VSX2: variants seen among roughly 807,000 people sequenced by gnomAD.
VSX2 encodes the protein ceh-10 homeo domain containing homolog.
Under a neutral mutation model 32.1 loss-of-function variants are expected in VSX2, and 28 were observed. That is an observed-to-expected ratio of 0.87 (90% CI 0.65 to 1.20). The LOEUF is 1.20. VSX2 is among the 50% of genes most tolerant of loss of function. VSX2 has a pLI of 0.00. For synonymous variants in VSX2, 243 were observed against 214.1 expected, an observed-to-expected ratio of 1.14 and a Z score of -1.18; for missense variants, 506 against 488.7, an observed-to-expected ratio of 1.04 and a Z score of -0.33.
chr14:74,252,937 T>C (rs2079239503), intron 3 of VSX2, among the ~76,000 whole-genome samples: 1 of 150,096 alleles, frequency 6.7e-6, no homozygotes, highest in Non-Finnish European at 1.5e-5. Context: ...TAATCCCAGC[T>C]ACTCAGGAGG....
At chr14:74,244,400 C>T (rs958710839) in intron 2 of VSX2, among the ~76,000 whole-genome samples, 15 of 151,148 alleles carry the variant, frequency 9.9e-5, no homozygotes, top group Admixed American at 5.3e-4. Context: ...GGAAAAGGCT[C>T]GGGGCAGTGC....
chr14:74,243,926 C>A (rs2079167730), intron 2 of VSX2, among the ~76,000 whole-genome samples: 1 of 152,250 alleles, frequency 6.6e-6, no homozygotes, highest in Non-Finnish European at 1.5e-5. Flanking sequence ...AGAGTCTGAT[C>A]CCAGGGGACC....
At chr14:74,251,720 G>C (rs910900955) in intron 3 of VSX2, among the ~76,000 whole-genome samples, 1 of 152,144 alleles carries the variant, frequency 6.6e-6, no homozygotes, top group African/African-American at 2.4e-5. Flanking sequence ...GCCCCCTAGT[G>C]GGTAACAGAG....
chr14:74,251,038 G>T (rs1317659116), intron 3 of VSX2, among the ~76,000 whole-genome samples: 20 of 151,752 alleles, frequency 1.3e-4, no homozygotes, highest in Non-Finnish European at 1.5e-5. Context: ...TCTTCGGCAG[G>T]TCACAGTGGC....
In VSX2 at chr14:74,245,240, C is replaced by A. The variant is rs746590938; in HGVS notation, c.531C>A (p.Ala177=). ...FNEAHYPDVY[A]REMLAMKTEL... is the part of the protein sequence containing the mutation. ...AAGCCCACTACCCAGACGTCTATGC[C>A]CGGGAGATGCTGGCCATGAAAACGG... Residue 177 remains alanine (A), a synonymous_variant, in exon 3 of 5, where the codon GCC becomes GCA. Transcript: ENST00000261980. 3.1e-6 allele frequency: 5 copies of A among 1,613,588 alleles called. No homozygotes were observed. Among genetic ancestry groups the A allele is most frequent in the Non-Finnish European group, 4.2e-6 (5 of 1,179,932 alleles).
At chr14:74,245,394 G>A in intron 3 of VSX2, 106 bp downstream of exon 3, 5 of 1,465,784 alleles carry the variant, frequency 3.4e-6, no homozygotes, top group East Asian at 2.3e-5. Flanking sequence ...CCCACTGTGG[G>A]CATGTGCTTG....
Position 74,260,694 on chromosome 14 carries a change from GC to G in VSX2, c.862del (p.Arg288GlyfsTer14). ...PKLDKMEQDE[R>X]GPDAQAAISQ... ...AGCTCGACAAGATGGAGCAGGACGAGCGGGGCCCCGACGCTCAGGCGGCCAT... is the reference window on the plus strand; with the variant it reads ...AGCTCGACAAGATGGAGCAGGACGAGGGGGCCCCGACGCTCAGGCGGCCAT... On this transcript the variant is annotated frameshift_variant, in exon 5 of 5. Coordinates refer to ENST00000261980, the MANE Select transcript of VSX2 (RefSeq NM_182894.3). LOFTEE classifies it high-confidence loss of function. 1.3e-6 allele frequency: 2 copies of G among 1,595,700 alleles called. No individual in the cohort carries two copies. Among genetic ancestry groups the G allele is most frequent in the Non-Finnish European group, 1.7e-6 (2 of 1,171,774 alleles).
At chr14:74,243,015 G>A (rs2079161210) in intron 2 of VSX2, among the ~76,000 whole-genome samples, 1 of 152,196 alleles carries the variant, frequency 6.6e-6, no homozygotes, top group Non-Finnish European at 1.5e-5. Context: ...GGTATTAACT[G>A]CCTGGGGTTT....
intron 1 of VSX2, 76 bp downstream of exon 1, chr14:74,240,007 G>T (rs143171666): frequency 0.012 from 18,819 of 1,520,234 alleles, 459 homozygotes; most frequent in Admixed American, 0.1. Context: ...GCTCTCGCTT[G>T]CTGGACCAGG....
chr14:74,254,805 A>T (rs962900869), intron 3 of VSX2, among the ~76,000 whole-genome samples: 1 of 49,492 alleles, frequency 2.0e-5, no homozygotes, highest in Non-Finnish European at 4.0e-5. Flanking sequence ...TTTGAGACGC[A>T]GTCTTGCTCT....
intron 3 of VSX2, among the ~76,000 whole-genome samples, chr14:74,251,847 G>A (rs1324996781): frequency 6.6e-6 from 1 of 152,212 alleles, no homozygotes; most frequent in Non-Finnish European, 1.5e-5. Flanking sequence ...AGTCACGCCA[G>A]CGATGAGCCC....
At position 74,239,785 on chromosome 14, in the gene VSX2, G is replaced by T. The variant is rs764491175; in HGVS notation, c.224G>T (p.Gly75Val). The stretch of plus-strand genomic sequence containing the variant: ...GTGCTCAGCCCCGCGGGGGTGGGCG[G>T]CATGGGGCTTCTGGGGCCCGGGGGG... ...RSVLSPAGVG[G>V]MGLLGPGGLP... is the part of the protein sequence containing the mutation. Residue 75 changes from glycine to valine, a missense_variant, in exon 1 of 5, where the codon GGC (glycine) becomes GTC (valine). By Grantham distance (109) the Gly-to-Val change is moderately radical (BLOSUM62 -3). Coordinates refer to ENST00000261980, the MANE Select transcript of VSX2 (RefSeq NM_182894.3). The T allele has an allele frequency of 6.4e-6, 10 of 1,561,248 alleles. No individual in the cohort carries two copies. The highest frequency in any genetic ancestry group is 8.7e-6 in the Non-Finnish European group (10 of 1,153,928).
chr14:74,244,745 GA>G (rs1217624924), intron 2 of VSX2, among the ~76,000 whole-genome samples: 1 of 151,860 alleles, frequency 6.6e-6, no homozygotes, highest in Non-Finnish European at 1.5e-5. Context: ...AGCACCTCCA[GA>G]AAGATTCCCA....
At chr14:74,240,020 T>A in intron 1 of VSX2, 89 bp downstream of exon 1, 1 of 1,496,828 alleles carries the variant, frequency 6.7e-7, no homozygotes, top group Admixed American at 2.1e-5. Flanking sequence ...GGACCAGGCC[T>A]CCAGGCGGAA....
intron 3 of VSX2, among the ~76,000 whole-genome samples, chr14:74,257,712 C>CG (rs1224923431): frequency 2.0e-5 from 3 of 149,492 alleles, no homozygotes; most frequent in Non-Finnish European, 4.5e-5. Context: ...GCGGACCACC[C>CG]CCCACCCACT....
At chr14:74,244,599 G>C (rs1352749070) in intron 2 of VSX2, among the ~76,000 whole-genome samples, 1 of 152,162 alleles carries the variant, frequency 6.6e-6, no homozygotes, top group Admixed American at 6.5e-5. Flanking sequence ...GTGACTGTGA[G>C]AGGGGCCCAG....
chr14:74,254,873 G>A (rs1034587442), intron 3 of VSX2, among the ~76,000 whole-genome samples: 1 of 147,796 alleles, frequency 6.8e-6, no homozygotes, highest in African/African-American at 2.5e-5. Context: ...TCCACCTCCT[G>A]GGTTCACGCC....
intron 3 of VSX2, among the ~76,000 whole-genome samples, chr14:74,258,590 C>A (rs1314134874): frequency 6.6e-6 from 1 of 152,124 alleles, no homozygotes; most frequent in South Asian, 2.1e-4. Context: ...AGGCTTGGGG[C>A]GCACCATTAC....
Position 74,239,972 on chromosome 14 carries a change from G to T in VSX2, c.370+41G>T, listed in dbSNP as rs1483698597. 5.2e-6 allele frequency: 8 copies of T among 1,542,352 alleles called. No homozygotes were observed. In the East Asian group the frequency reaches 7.3e-5, roughly 14 times the overall value. On this transcript the variant is annotated intron_variant, in intron 1 of 4. Transcript: ENST00000261980. ...TTGCGCTGCTGCCTGACTGGGGGGCGACAGCCGGGAGCCCCGCGCCGTCGG... is the reference window on the plus strand; with the variant it reads ...TTGCGCTGCTGCCTGACTGGGGGGCTACAGCCGGGAGCCCCGCGCCGTCGG...
Sources: allele counts gnomAD v4.1 joint callset (sites outside exome capture counted in the v4.1 genomes callset), GRCh38; gene constraint gnomAD v4.1.1; transcripts MANE v1.5; gene names NCBI Gene and HGNC (gene_info 2026-07-23, HGNC 2026-07-21).